KCNIP1: variants seen among roughly 807,000 people sequenced by gnomAD.
KCNIP1 encodes potassium voltage-gated channel interacting protein 1, also known as A-type potassium channel modulatory protein KCNIP1.
A neutral mutation model predicts 33.0 loss-of-function variants in KCNIP1; 18 were observed. That is an observed-to-expected ratio of 0.55 (90% confidence interval 0.38 to 0.81). The LOEUF (loss-of-function observed/expected upper bound fraction) is 0.81. Ranked by LOEUF, KCNIP1 falls within the 30% of genes least tolerant of loss-of-function variation. KCNIP1 has a pLI of 0.00. For missense variants in KCNIP1, 238 were observed against 271.6 expected, an observed-to-expected ratio of 0.88 and a Z score of 0.87; for synonymous variants, 93 against 98.3, an observed-to-expected ratio of 0.95 and a Z score of 0.32.
intron 1 of KCNIP1, among the ~76,000 whole-genome samples, chr5:170,707,977 C>A (rs1489144762): frequency 6.6e-6 from 1 of 152,090 alleles, no homozygotes; most frequent in African/African-American, 2.4e-5. Flanking sequence ...ACGTGGAACA[C>A]TCAGAAAATC....
chr5:170,650,765 T>A (rs1761013741), intron 1 of KCNIP1, among the ~76,000 whole-genome samples: 1 of 152,326 alleles, frequency 6.6e-6, no homozygotes, highest in South Asian at 2.1e-4. Flanking sequence ...AAAGTAGATG[T>A]AGCATTTTAT....
At chr5:170,628,156 C>T (rs1383426920) in intron 1 of KCNIP1, among the ~76,000 whole-genome samples, 2 of 152,134 alleles carry the variant, frequency 1.3e-5, no homozygotes, top group Admixed American at 1.3e-4. Context: ...TAGCGTGTGG[C>T]CTGGGCGCTG....
chr5:170,712,857 T>A, intron 1 of KCNIP1: 2 of 1,614,006 alleles, frequency 1.2e-6, no homozygotes, highest in Non-Finnish European at 1.7e-6. Flanking sequence ...TTCCTAGACA[T>A]CGCCTGGTGG....
At chr5:170,664,948 A>T (rs1298228791) in intron 1 of KCNIP1, among the ~76,000 whole-genome samples, 3 of 152,150 alleles carry the variant, frequency 2.0e-5, no homozygotes, top group Non-Finnish European at 4.4e-5. Flanking sequence ...TGTCTCACTC[A>T]GTGAAAGCCT....
At chr5:170,734,126 TG>T (rs772279231) in intron 7 of KCNIP1, among the ~76,000 whole-genome samples, 94 of 152,186 alleles carry the variant, frequency 6.2e-4, no homozygotes, top group Middle Eastern at 3.4e-3. Flanking sequence ...AGTAGGGGTC[TG>T]GGGGCATGTG....
Position 170,504,938 on chromosome 5 carries a change from C to T in KCNIP1, c.61+305C>T, listed in dbSNP as rs1269302669. Among the ~76,000 whole-genome samples, 1 of 152,162 alleles carries T rather than the reference C, an allele frequency of 6.6e-6. No individual in the cohort carries two copies. Among genetic ancestry groups the T allele is most frequent in the Non-Finnish European group, 1.5e-5 (1 of 68,014 alleles). ...CGGCATGTTCACAGGTGGGGGTGACCGGATTCTCTGGTGGAAGTGTGGTGA... is the reference window on the plus strand; with the variant it reads ...CGGCATGTTCACAGGTGGGGGTGACTGGATTCTCTGGTGGAAGTGTGGTGA... On this transcript the variant is annotated intron_variant, in intron 1 of 7. Transcript: ENST00000328939. The surrounding 1 kb of genome is among the most constrained non-coding windows in gnomAD (Gnocchi z 6.0).
chr5:170,401,892 T>A (rs970033509), intron 1 of KCNIP1, among the ~76,000 whole-genome samples: 3 of 151,914 alleles, frequency 2.0e-5, no homozygotes, highest in African/African-American at 7.3e-5. Flanking sequence ...ACTGGGTGGG[T>A]GGTTTAAAGC....
At chr5:170,354,986 G>A (rs6860569) in intron 1 of KCNIP1, among the ~76,000 whole-genome samples, 61,367 of 152,160 alleles carry the variant, frequency 0.4, 13,418 homozygotes, top group African/African-American at 0.58. Context: ...TTTACAAAAT[G>A]ACAATGAGAG....
rs9790981 is a variant in KCNIP1, at chr5:170,624,724, C to T, written c.62-94034C>T. 8.9e-4 allele frequency among the ~76,000 whole-genome samples: 33 copies of T among 37,018 alleles called. 1 individual carries two copies. The East Asian group carries it at 0.019, about 21-fold the overall frequency. The allele number at this position is 37,018 out of a possible 152,430, so 24.3% of individuals were successfully genotyped here. On this transcript the variant is annotated intron_variant, in intron 1 of 7. Transcript: ENST00000328939. Reference sequence around the variant, plus strand: ...GGGAGGGGAGGAGAGGAAAGGAGACCGGGGAGGTGGGGGGGGAGAGGGGAG... The same window carrying T: ...GGGAGGGGAGGAGAGGAAAGGAGACTGGGGAGGTGGGGGGGGAGAGGGGAG...
At chr5:170,522,406 T>C (rs956612592) in intron 1 of KCNIP1, among the ~76,000 whole-genome samples, 34 of 152,208 alleles carry the variant, frequency 2.2e-4, no homozygotes, top group African/African-American at 8.0e-4. Flanking sequence ...CAGCTCTGCC[T>C]CAGGGAGAGA....
chr5:170,648,931 G>T (rs1760900598), intron 1 of KCNIP1, among the ~76,000 whole-genome samples: 1 of 152,136 alleles, frequency 6.6e-6, no homozygotes, highest in African/African-American at 2.4e-5. Context: ...AAAAAATAAA[G>T]TTTATTAATC....
intron 1 of KCNIP1, among the ~76,000 whole-genome samples, chr5:170,599,441 A>T (rs781038531): frequency 1.2e-4 from 18 of 152,176 alleles, no homozygotes; most frequent in Non-Finnish European, 2.4e-4. Flanking sequence ...CAGGGCAACT[A>T]GTCTTACTCA....
intron 1 of KCNIP1, among the ~76,000 whole-genome samples, chr5:170,601,410 T>A (rs1315986176): frequency 6.6e-6 from 1 of 152,158 alleles, no homozygotes; most frequent in Non-Finnish European, 1.5e-5. Flanking sequence ...GACTAGAACG[T>A]CCCGGGAAAC....
At chr5:170,557,181 G>A (rs1397994771) in intron 1 of KCNIP1, among the ~76,000 whole-genome samples, 1 of 152,144 alleles carries the variant, frequency 6.6e-6, no homozygotes, top group Non-Finnish European at 1.5e-5. Flanking sequence ...TGCAATACAG[G>A]GCTAATACAG....
At chr5:170,565,541 C>T (rs977173287) in intron 1 of KCNIP1, among the ~76,000 whole-genome samples, 1 of 152,002 alleles carries the variant, frequency 6.6e-6, no homozygotes, top group Non-Finnish European at 1.5e-5. Context: ...ATTTATTACC[C>T]AAAAAAATAC....
chr5:170,735,742 CCCT>C lies in KCNIP1; in HGVS notation c.604-13_604-11del, dbSNP rs761592922. The C allele has an allele frequency of 1.2e-6, 2 of 1,612,564 alleles. No homozygotes were observed. The highest frequency in any genetic ancestry group is 1.1e-5 in the South Asian group (1 of 91,034). On this transcript the variant is annotated splice_polypyrimidine_tract_variant and intron_variant, in intron 7 of 7. Transcript: ENST00000328939. ...GAGACTCAGAGTTCTAACCCTCTTG[CCCT>C]CCTTTTTTCCCAGGACGACAACATC...
intron 1 of KCNIP1, among the ~76,000 whole-genome samples, chr5:170,432,083 C>T (rs1561622927): frequency 6.8e-6 from 1 of 147,506 alleles, no homozygotes; most frequent in African/African-American, 2.5e-5. Context: ...CTGAGGTTTT[C>T]ATATAAAAAA....
intron 1 of KCNIP1, among the ~76,000 whole-genome samples, chr5:170,614,041 G>T (rs1326704449): frequency 6.6e-6 from 1 of 152,208 alleles, no homozygotes. Flanking sequence ...CCACCAACAA[G>T]TCCCTGGAAA....
intron 1 of KCNIP1, chr5:170,642,145 C>G (rs1020546314): frequency 6.6e-6 from 1 of 152,436 alleles, no homozygotes; most frequent in South Asian, 2.1e-4. Flanking sequence ...GTCAAAGGGT[C>G]CTGAGGCACC....
Sources: allele counts gnomAD v4.1 joint callset (sites outside exome capture counted in the v4.1 genomes callset), GRCh38; gene constraint gnomAD v4.1.1; non-coding constraint Gnocchi (gnomAD v3.1); transcripts MANE v1.5; gene names NCBI Gene and HGNC (gene_info 2026-07-23, HGNC 2026-07-21).